The following PCDHGA10 variants were observed in gnomAD, a reference collection of about 807,000 sequenced individuals.
The protein encoded by PCDHGA10 is protocadherin gamma-A10.
Under a neutral mutation model 59.5 loss-of-function variants are expected in PCDHGA10, and 42 were observed. The ratio of observed to expected loss-of-function variants is 0.71; its 90% CI spans 0.55 to 0.91. The LOEUF is 0.91. PCDHGA10 is among the 40% of genes least tolerant of loss of function. The pLI, the probability that PCDHGA10 is intolerant of heterozygous loss-of-function variation, is 0.00. For missense variants in PCDHGA10, 1,111 were observed against 1,198.2 expected (o/e 0.93, Z 1.07); for synonymous variants, 511 against 517.2 (o/e 0.99, Z 0.16).
rs138408376 is a variant in PCDHGA10 at position 141,421,859 on chromosome 5, T to C, written c.2436+6248T>C. The stretch of plus-strand genomic sequence containing the variant: ...CGAGAGAAAGAGGCTGCTCACCTGC[T>C]CCTCCTCACAGCTTTAGATGGAGGC... On this transcript the variant is annotated intron_variant, in intron 1 of 3. Coordinates refer to ENST00000398610, the MANE Select transcript of PCDHGA10 (RefSeq NM_018913.3). The C allele has an allele frequency of 1.7e-3, 2,741 of 1,613,710 alleles. 8 individuals carry two copies. Among genetic ancestry groups the C allele is most frequent in the Middle Eastern group, 8.1e-3 (49 of 6,062 alleles).
At chr5:141,452,084 C>CGG (rs1561946918) in intron 1 of PCDHGA10, among the ~76,000 whole-genome samples, 1 of 152,170 alleles carries the variant, frequency 6.6e-6, no homozygotes, top group Non-Finnish European at 1.5e-5. Context: ...TGGCATTATA[C>CGG]AGTAAGAAAG....
chr5:141,417,038 T>TTA (rs1491140470), intron 1 of PCDHGA10: 1 of 145,854 alleles, frequency 6.9e-6, no homozygotes, highest in Non-Finnish European at 1.5e-5. Context: ...GTTTTTTTTT[T>TTA]AAAAAAAACT....
chr5:141,417,785 A>C (rs1273908599), intron 1 of PCDHGA10: 22 of 1,476,018 alleles, frequency 1.5e-5, no homozygotes, highest in Non-Finnish European at 1.7e-5. Context: ...TCCTGGGCCG[A>C]ATGCTCTTTT....
chr5:141,422,842 G>A (rs756990417), intron 1 of PCDHGA10: 5 of 1,614,228 alleles, frequency 3.1e-6, no homozygotes, highest in South Asian at 1.1e-5. Flanking sequence ...ACGTGACAGC[G>A]GGGACCCGCC....
chr5:141,491,071 C>T lies in PCDHGA10; in HGVS notation c.2437-3736C>T, dbSNP rs987564933. 1 of 1,614,152 alleles carries T rather than the reference C, an allele frequency of 6.2e-7. No individual in the cohort carries two copies. Among genetic ancestry groups the T allele is most frequent in the Non-Finnish European group, 8.5e-7 (1 of 1,180,028 alleles). ...TGCGTGGCTCTCCTACTCACTGTTGCCACAGTCCACAGCCCCAGGACTGTT... is the reference window on the plus strand; with the variant it reads ...TGCGTGGCTCTCCTACTCACTGTTGTCACAGTCCACAGCCCCAGGACTGTT... On this transcript the variant is annotated intron_variant, in intron 1 of 3. Transcript: ENST00000398610. This position sits in a 1 kb window ranked among gnomAD's most constrained non-coding sequence, Gnocchi z 6.9.
At chr5:141,482,611 G>A (rs1016481108) in intron 1 of PCDHGA10, among the ~76,000 whole-genome samples, 3 of 150,398 alleles carry the variant, frequency 2.0e-5, no homozygotes, top group African/African-American at 7.4e-5. Context: ...ACACCTAAAT[G>A]AGCCTGGAGA....
chr5:141,423,264 C>T (rs1452323474), intron 1 of PCDHGA10: 6 of 1,613,868 alleles, frequency 3.7e-6, no homozygotes, highest in Non-Finnish European at 5.1e-6. Context: ...TCGGCAGCCT[C>T]GAGTCTCTGG....
Position 141,462,764 on chromosome 5 carries a change from G to C in PCDHGA10, c.2437-32043G>C, listed in dbSNP as rs150842317. Among the ~76,000 whole-genome samples, 589 of 152,084 alleles carry C rather than the reference G, an allele frequency of 3.9e-3. 5 individuals are homozygous for C. Among genetic ancestry groups the C allele is most frequent in the Admixed American group, 0.011 (169 of 15,274 alleles). ...AATTCCTATGATGATTTTCTTCCTG[G>C]CTTGGGGTCATAATTTGTTGCTTAT... On this transcript the variant is annotated intron_variant, in intron 1 of 3. Transcript: ENST00000398610.
At chr5:141,456,723 G>A (rs1005891499) in intron 1 of PCDHGA10, among the ~76,000 whole-genome samples, 3 of 152,196 alleles carry the variant, frequency 2.0e-5, no homozygotes, top group Admixed American at 6.5e-5. Flanking sequence ...CCAGCACTTT[G>A]GGAGGCTGAG....
At chr5:141,484,399 CCGCTGTGTCT>C (rs1488164183) in intron 1 of PCDHGA10, among the ~76,000 whole-genome samples, 4 of 152,186 alleles carry the variant, frequency 2.6e-5, no homozygotes, top group Non-Finnish European at 4.4e-5. Context: ...GGTTTGGTTT[CCGCTGTGTCT>C]CCTGTTACAA....
intron 1 of PCDHGA10, among the ~76,000 whole-genome samples, chr5:141,480,115 G>A (rs1164458958): frequency 6.6e-6 from 1 of 152,110 alleles, no homozygotes; most frequent in African/African-American, 2.4e-5. Flanking sequence ...CATGGTGCCT[G>A]GCATATCATA....
chr5:141,441,565 C>T (rs1049476318), intron 1 of PCDHGA10: 62 of 200,838 alleles, frequency 3.1e-4, no homozygotes, highest in African/African-American at 1.4e-3. Context: ...CAAGTAGACA[C>T]CTCCAACCTA....
intron 1 of PCDHGA10, among the ~76,000 whole-genome samples, chr5:141,453,679 T>C (rs960698192): frequency 2.0e-5 from 3 of 152,230 alleles, no homozygotes; most frequent in Non-Finnish European, 2.9e-5. Context: ...GGTAACACAC[T>C]ATGTAGGTAG....
chr5:141,483,456 G>T (rs2099581503), intron 1 of PCDHGA10, among the ~76,000 whole-genome samples: 1 of 152,180 alleles, frequency 6.6e-6, no homozygotes, highest in Admixed American at 6.5e-5. Context: ...ATCAGGACTT[G>T]TTGATTGACA....
At chr5:141,417,050 C>T (rs1420453271) in intron 1 of PCDHGA10, 3 of 151,552 alleles carry the variant, frequency 2.0e-5, no homozygotes, top group Non-Finnish European at 4.4e-5. Flanking sequence ...AAAAAAACTG[C>T]TCTTGACATT....
intron 1 of PCDHGA10, chr5:141,424,482 T>C (rs779975685): frequency 1.3e-5 from 2 of 152,216 alleles, no homozygotes; most frequent in Non-Finnish European, 2.9e-5. Context: ...TACTTTGGTG[T>C]CTGTGTTTGT....
Position 141,511,350 on chromosome 5 carries a change from C to G in PCDHGA10, c.*177C>G, listed in dbSNP as rs1303365585. 4.3e-6 allele frequency: 6 copies of G among 1,397,194 alleles called. No homozygotes were observed. Among genetic ancestry groups the G allele is most frequent in the East Asian group, 2.5e-5 (1 of 39,862 alleles). The allele number at this position is 1,397,194 out of a possible 1,614,324, so 86.5% of individuals were successfully genotyped here. On this transcript the variant is annotated 3_prime_UTR_variant, in exon 4 of 4. Transcript: ENST00000398610. ...CCCAGTCAGCACCTACCCCTTCCCC[C>G]CCAGGGGGTTGAATATGCAAAAGCA...
chr5:141,471,080 C>T (rs2099249652), intron 1 of PCDHGA10, among the ~76,000 whole-genome samples: 1 of 147,610 alleles, frequency 6.8e-6, no homozygotes, highest in African/African-American at 2.5e-5. Context: ...ACAGGGTCTC[C>T]CTCTGTTGTC....
intron 2 of PCDHGA10, among the ~76,000 whole-genome samples, chr5:141,496,733 C>A (rs1221912777): frequency 6.6e-6 from 1 of 152,138 alleles, no homozygotes; most frequent in Non-Finnish European, 1.5e-5. Context: ...TGTATTCATT[C>A]GTTCATTTAT....
Sources: gnomAD v4.1 joint callset for allele counts (sites outside exome capture counted in the v4.1 genomes callset) on GRCh38, gnomAD v4.1.1 for gene constraint, Gnocchi (gnomAD v3.1) non-coding constraint, MANE v1.5 for transcripts, NCBI Gene and HGNC (gene_info 2026-07-23, HGNC 2026-07-21) for gene names.